ACSL5: variants seen among roughly 807,000 people sequenced by gnomAD.
ACSL5 encodes acyl-CoA synthetase long chain family member 5, also known as long-chain-fatty-acid--CoA ligase 5.
A neutral mutation model predicts 84.9 loss-of-function variants in ACSL5; 50 were observed. The observed-to-expected ratio is 0.59, with a 90% CI of 0.47 to 0.75. The LOEUF is 0.75. Ranked by LOEUF, ACSL5 falls within the 30% of genes least tolerant of loss-of-function variation. The pLI is 0.00. For missense variants in ACSL5, 775 were observed against 830.4 expected (o/e 0.93, Z 0.82); for synonymous variants, 280 against 300.7 (o/e 0.93, Z 0.71).
intron 12 of ACSL5, among the ~76,000 whole-genome samples, chr10:112,414,113 G>A (rs926602081): frequency 6.6e-6 from 1 of 152,230 alleles, no homozygotes. Flanking sequence ...TTGATGACTA[G>A]CACTGCTCTA....
At chr10:112,415,141 T>C (rs1315386419) in intron 12 of ACSL5, among the ~76,000 whole-genome samples, 2 of 152,246 alleles carry the variant, frequency 1.3e-5, no homozygotes, top group Admixed American at 6.5e-5. Context: ...TTTTCAGAGA[T>C]AGTTATTGTA....
At chr10:112,403,995 T>C (rs978786419) in intron 3 of ACSL5, among the ~76,000 whole-genome samples, 3 of 152,212 alleles carry the variant, frequency 2.0e-5, no homozygotes, top group Non-Finnish European at 4.4e-5. Flanking sequence ...ATTCTATACA[T>C]GGGGAATGAA....
At chr10:112,399,482 T>C (rs760883368) in intron 3 of ACSL5, among the ~76,000 whole-genome samples, 19 of 152,252 alleles carry the variant, frequency 1.2e-4, no homozygotes, top group Non-Finnish European at 1.9e-4. Context: ...TCCTTAACTC[T>C]GATACCATCC....
At chr10:112,423,594 G>A (rs181648627) in intron 17 of ACSL5, among the ~76,000 whole-genome samples, 4 of 152,002 alleles carry the variant, frequency 2.6e-5, no homozygotes, top group South Asian at 2.1e-4. Flanking sequence ...ATTCCTTATC[G>A]AATATACAAC....
At chr10:112,409,221 C>A in intron 6 of ACSL5, 1 of 341,662 alleles carries the variant, frequency 2.9e-6, no homozygotes, top group Admixed American at 4.3e-5. Flanking sequence ...CCTCAGTAAC[C>A]TGTTTAGGTT....
chr10:112,404,844 G>A (rs1374530102), intron 5 of ACSL5, 38 bp downstream of exon 5: 3 of 1,555,594 alleles, frequency 1.9e-6, no homozygotes, highest in Admixed American at 1.8e-5. Flanking sequence ...AATGAGTCAG[G>A]GTTAAGTTTA....
rs1401093101 is a variant in ACSL5 at position 112,387,908 on chromosome 10, C to T, written c.-29-7010C>T. ...AATAATAGTTCTCCAGGCCTAAAAG[C>T]AAAGGTAACAGAATGATTTATTTGT... On this transcript the variant is annotated intron_variant, in intron 1 of 20. Coordinates refer to ENST00000354655, the MANE Select transcript of ACSL5 (RefSeq NM_203379.2). Among the ~76,000 whole-genome samples the T allele has an allele frequency of 4.1e-5, 6 of 146,338 alleles. No homozygotes were observed. The East Asian group carries it at 1.2e-3, about 29-fold the overall frequency.
intron 1 of ACSL5, among the ~76,000 whole-genome samples, chr10:112,384,031 TAAAAATAC>T (rs1849402468): frequency 1.3e-5 from 2 of 151,854 alleles, no homozygotes; most frequent in Admixed American, 6.6e-5. Flanking sequence ...CTGTCTCTAC[TAAAAATAC>T]AAAAATTAGC....
rs1844632189 is a variant in ACSL5, at chr10:112,425,451, A to G, written c.1707A>G (p.Leu569=). ...ENIYNRSQPV[L]QIFVHGESLR... is the part of the protein sequence containing the mutation. ...TCTACAACAGGAGTCAACCAGTGTTACAAATTTTTGTACACGGGGAGAGCT... is the reference window on the plus strand; with the variant it reads ...TCTACAACAGGAGTCAACCAGTGTTGCAAATTTTTGTACACGGGGAGAGCT... Residue 569 remains leucine, a synonymous_variant, in exon 18 of 21, where the codon TTA becomes TTG. Coordinates refer to ENST00000354655, the MANE Select transcript of ACSL5 (RefSeq NM_203379.2). The G allele has an allele frequency of 1.2e-6, 2 of 1,613,270 alleles. No homozygotes were observed. Among genetic ancestry groups the G allele is most frequent in the South Asian group, 1.1e-5 (1 of 90,896 alleles).
chr10:112,414,880 A>G (rs1844279652), intron 12 of ACSL5, among the ~76,000 whole-genome samples: 1 of 152,084 alleles, frequency 6.6e-6, no homozygotes, highest in Non-Finnish European at 1.5e-5. Flanking sequence ...ATCCGTGAGG[A>G]AGTAATGCAT....
chr10:112,423,143 A>G (rs1404904003), intron 17 of ACSL5, among the ~76,000 whole-genome samples: 1 of 123,570 alleles, frequency 8.1e-6, no homozygotes, highest in Non-Finnish European at 1.7e-5. Flanking sequence ...AGCCAAGATC[A>G]CACCACTGCA....
At chr10:112,411,007 C>G (rs757497842) in intron 9 of ACSL5, among the ~76,000 whole-genome samples, 21 of 152,056 alleles carry the variant, frequency 1.4e-4, no homozygotes, top group Admixed American at 9.8e-4. Flanking sequence ...CCTACATCCA[C>G]CCATCTGTTA....
chr10:112,379,202 T>A (rs1849300643), intron 1 of ACSL5, among the ~76,000 whole-genome samples: 1 of 152,130 alleles, frequency 6.6e-6, no homozygotes, highest in Admixed American at 6.5e-5. Context: ...ATCAGGAGTT[T>A]GAGACCAGCC....
chr10:112,400,000 G>A (rs936803242), intron 3 of ACSL5, among the ~76,000 whole-genome samples: 1 of 152,134 alleles, frequency 6.6e-6, no homozygotes, highest in Non-Finnish European at 1.5e-5. Flanking sequence ...TATAAAAGTA[G>A]TCACTCCTCC....
rs536288983 is a variant in ACSL5, at chr10:112,382,449, C to T, written c.-30+8180C>T. 4.6e-5 allele frequency among the ~76,000 whole-genome samples: 7 copies of T among 152,248 alleles called. 1 individual carries two copies. In the South Asian group the frequency reaches 1.5e-3, roughly 32 times the overall value. On this transcript the variant is annotated intron_variant, in intron 1 of 20. Transcript: ENST00000354655. Reference sequence around the variant, plus strand: ...GTGCCATGCTAGGTGCAGTGGAATCCACAGGTGAGGATGGTCACTATGTGC... The same window carrying T: ...GTGCCATGCTAGGTGCAGTGGAATCTACAGGTGAGGATGGTCACTATGTGC...
Position 112,400,057 on chromosome 10 carries a change from C to T in ACSL5, c.265+1048C>T, listed in dbSNP as rs1040906752. 2.0e-5 allele frequency among the ~76,000 whole-genome samples: 3 copies of T among 152,166 alleles called. No individual in the cohort carries two copies. In the East Asian group the frequency reaches 5.8e-4, roughly 29 times the overall value. ...CAAGAAAACATCTATCTGAAGAGTC[C>T]GATGGGGCCTGTACTTAGTATATCT... On this transcript the variant is annotated intron_variant, in intron 3 of 20. Transcript: ENST00000354655.
At chr10:112,378,395 C>T (rs1849284518) in intron 1 of ACSL5, among the ~76,000 whole-genome samples, 1 of 151,844 alleles carries the variant, frequency 6.6e-6, no homozygotes, top group African/African-American at 2.4e-5. Context: ...TACAGGCATG[C>T]ACCACCATGC....
At chr10:112,408,805 T>C in intron 6 of ACSL5, 2 of 286,386 alleles carry the variant, frequency 7.0e-6, no homozygotes, top group East Asian at 1.4e-4. Flanking sequence ...CTGAACACAC[T>C]AGATAAAAGC....
rs764355641 is a variant in ACSL5, at chr10:112,427,344, C to T, written c.2038C>T (p.His680Tyr). The T allele has an allele frequency of 8.7e-6, 14 of 1,612,596 alleles. No individual in the cohort carries two copies. The highest frequency in any genetic ancestry group is 6.8e-6 in the Non-Finnish European group (8 of 1,179,396). ...GACCCAAATTGACAGCCTGTATGAG[C>T]ACATCCAGGATTAGGATAAGGTACT... ...FRTQIDSLYE[H>Y]IQD Residue 680 changes from histidine (H) to tyrosine (Y), a missense_variant, in exon 21 of 21, where the codon CAC becomes TAC. Physicochemically the swap from His to Tyr is moderately conservative, Grantham distance 83 (BLOSUM62 2). Coordinates refer to ENST00000354655, the MANE Select transcript of ACSL5 (RefSeq NM_203379.2).
Sources: allele counts gnomAD v4.1 joint callset (sites outside exome capture counted in the v4.1 genomes callset), GRCh38; gene constraint gnomAD v4.1.1; transcripts MANE v1.5; gene names NCBI Gene and HGNC (gene_info 2026-07-23, HGNC 2026-07-21).